The following TMC3 variants were observed in gnomAD, a reference collection of about 807,000 sequenced individuals.
TMC3 encodes the protein transmembrane channel like 3.
A neutral mutation model predicts 110.6 loss-of-function variants in TMC3; 98 were observed. The observed-to-expected ratio is 0.89, with a 90% CI of 0.75 to 1.05. The LOEUF is 1.05. Ranked by LOEUF, TMC3 falls within the 50% of genes least tolerant of loss-of-function variation. TMC3 has a pLI of 0.00. For synonymous variants in TMC3, 489 were observed against 513.1 expected (o/e 0.95, Z 0.63); for missense variants, 1,319 against 1,373.2 (o/e 0.96, Z 0.62).
Position 81,343,899 on chromosome 15 carries a change from A to T in TMC3, c.1647+18T>A, listed in dbSNP as rs1168229180. The T allele has an allele frequency of 6.2e-7, 1 of 1,609,544 alleles. No homozygotes were observed. Among genetic ancestry groups the T allele is most frequent in the South Asian group, 1.1e-5 (1 of 90,768 alleles). On this transcript the variant is annotated intron_variant, in intron 14 of 21. Coordinates refer to ENST00000359440, the MANE Select transcript of TMC3 (RefSeq NM_001080532.3). ...TTGGCCATATAAACTTTCCCAACAG[A>T]CACAGCATTTTACTTACAAACTTGC...
rs548951573 is a variant in TMC3, at chr15:81,362,138, C to A, written c.394+82G>T. On this transcript the variant is annotated intron_variant, in intron 4 of 21. Coordinates refer to ENST00000359440, the MANE Select transcript of TMC3 (RefSeq NM_001080532.3). ...GCCCTCAGCTGCACAGCATAAGGAC[C>A]AGAACACAGCAGACTCTCCTTAGGC... The A allele has an allele frequency of 3.1e-5, 40 of 1,277,326 alleles. No individual in the cohort carries two copies. The African/African-American group carries it at 5.6e-4, about 18-fold the overall frequency. 79.1% of individuals were successfully genotyped at this position (1,277,326 alleles called of 1,614,324 possible). A position where few individuals can be genotyped will look rare whatever the true frequency, so the allele number is the denominator to read the frequency against.
intron 21 of TMC3, 82 bp from the exon 22 acceptor site, chr15:81,333,344 T>G (rs960830862): frequency 1.5e-4 from 232 of 1,516,028 alleles, no homozygotes; most frequent in Non-Finnish European, 1.9e-4. Context: ...TGTGAGCAGT[T>G]CTCTGAGCAT....
chr15:81,372,846 G>T, intron 1 of TMC3, 109 bp from the exon 2 acceptor site: 1 of 1,086,460 alleles, frequency 9.2e-7, no homozygotes, highest in Non-Finnish European at 1.3e-6. Context: ...AGGGTCATCT[G>T]TATGAAATGT....
At chr15:81,339,172 C>T (rs1436637748) in intron 17 of TMC3, among the ~76,000 whole-genome samples, 10 of 152,196 alleles carry the variant, frequency 6.6e-5, no homozygotes, top group African/African-American at 2.4e-4. Context: ...CTCTTTTTCA[C>T]TTTAAAAGGA....
rs375372811 is a variant in TMC3 at position 81,332,595 on chromosome 15, A to G, written c.3127T>C (p.Ser1043Pro). 6.2e-7 allele frequency: 1 copy of G among 1,613,812 alleles called. No homozygotes were observed. The highest frequency in any genetic ancestry group is 1.7e-5 in the Admixed American group (1 of 59,982). ...RFEPSLTESD[S>P]VSAASSSDQQ... ...TCACTGCTGGATGCTGCCGACACGGAGTCAGATTCCGTGAGGGATGGCTCG... is the reference window on the plus strand; with the variant it reads ...TCACTGCTGGATGCTGCCGACACGGGGTCAGATTCCGTGAGGGATGGCTCG... The change falls in exon 22 of 22, where the codon TCC becomes CCC. Residue 1043 changes from serine to proline, a missense_variant. By Grantham distance (74) the Ser-to-Pro change is moderately conservative. Transcript: ENST00000359440.
intron 3 of TMC3, among the ~76,000 whole-genome samples, chr15:81,363,842 C>G (rs952082053): frequency 6.6e-6 from 1 of 152,080 alleles, no homozygotes; most frequent in Non-Finnish European, 1.5e-5. Flanking sequence ...CCCAGTATCC[C>G]GAGGAAGGGG....
intron 5 of TMC3, among the ~76,000 whole-genome samples, chr15:81,358,872 T>C (rs1012962702): frequency 6.6e-6 from 1 of 152,126 alleles, no homozygotes; most frequent in Non-Finnish European, 1.5e-5. Context: ...CATCATGCTA[T>C]GGTGAGGTCT....
chr15:81,372,828 A>C, intron 1 of TMC3, 91 bp from the exon 2 acceptor site: 88 of 1,341,940 alleles, frequency 6.6e-5, no homozygotes, highest in Non-Finnish European at 8.2e-5. Context: ...TCAGCATCTC[A>C]CTGCCCTAGG....
Position 81,341,413 on chromosome 15 carries a change from G to A in TMC3, c.1821C>T (p.His607=), listed in dbSNP as rs1037884248. ...SWAVLTCNVP[H]QQVFRASRSN... ...ACCTTGAGGCTCGAAATACTTGCTG[G>A]TGGGGCACATTGCAGGTCAGCACAG... Residue 607 remains histidine (H), a synonymous_variant, in exon 16 of 22, where the codon CAC becomes CAT. Transcript: ENST00000359440. 5 of 1,611,624 alleles carry A rather than the reference G, an allele frequency of 3.1e-6. No individual in the cohort carries two copies. Among genetic ancestry groups the A allele is most frequent in the Middle Eastern group, 3.3e-4 (2 of 6,080 alleles).
At position 81,337,852 on chromosome 15, in the gene TMC3, G is replaced by A. The variant is rs1167779200; in HGVS notation, c.2154C>T (p.Ile718=). Residue 718 remains isoleucine, a synonymous_variant, in exon 19 of 22, where the codon ATC becomes ATT. Transcript: ENST00000359440. ...AAGTTCATGAAATACTTGCGTTTTG[G>A]ATCTGCATTTTGAGCTGGTGGTTGC... ...KLSNHQLKMQ[I]QNARSEDKKK... is the part of the protein sequence containing the mutation. 6.2e-7 allele frequency: 1 copy of A among 1,613,500 alleles called. No homozygotes were observed. The highest frequency in any genetic ancestry group is 8.5e-7 in the Non-Finnish European group (1 of 1,179,432).
At position 81,332,965 on chromosome 15, in the gene TMC3, C is replaced by G. The variant is rs773151774; in HGVS notation, c.2757G>C (p.Glu919Asp). The G allele has an allele frequency of 1.9e-6, 3 of 1,612,586 alleles. No homozygotes were observed. In the Admixed American group the frequency reaches 5.0e-5, roughly 27 times the overall value. ...ATTGTCGCACGTTCCTGGGGTACAG[C>G]TCCACAATGTCACCTGAAGCATCTA... ...FKIDASGDIV[E>D]LYPRNVRQYA... The change falls in exon 22 of 22, where the codon GAG becomes GAC. Residue 919 changes from glutamate (E) to aspartate (D), a missense_variant. Physicochemically the swap from Glu to Asp is conservative, Grantham distance 45 (BLOSUM62 2). Coordinates refer to ENST00000359440, the MANE Select transcript of TMC3 (RefSeq NM_001080532.3).
chr15:81,372,677 G>T lies in TMC3; in HGVS notation c.150C>A (p.Ile50=). The T allele has an allele frequency of 1.2e-6, 2 of 1,613,998 alleles. No individual in the cohort carries two copies. Among genetic ancestry groups the T allele is most frequent in the Non-Finnish European group, 1.7e-6 (2 of 1,179,886 alleles). ...ETGDSNDPEQ[I]FQNIQFQKDL... Reference sequence around the variant, plus strand: ...CTTTCTGGAACTGTATATTCTGGAAGATTTGTTCCGGATCATTGCTGTCCC... The same window carrying T: ...CTTTCTGGAACTGTATATTCTGGAATATTTGTTCCGGATCATTGCTGTCCC... Residue 50 remains isoleucine (I), a synonymous_variant, in exon 2 of 22, where the codon ATC becomes ATA. Coordinates refer to ENST00000359440, the MANE Select transcript of TMC3 (RefSeq NM_001080532.3).
rs1596079370 is a variant in TMC3 at position 81,337,941 on chromosome 15, C to T, written c.2082-17G>A. 7 of 1,604,488 alleles carry T rather than the reference C, an allele frequency of 4.4e-6. No individual in the cohort carries two copies. The East Asian group carries it at 1.6e-4, about 36-fold the overall frequency. On this transcript the variant is annotated splice_polypyrimidine_tract_variant and intron_variant, in intron 18 of 21. Transcript: ENST00000359440. ...ATGAGCATGCTAGGACAGAACAACACAGGACAATGAGTGGACTGCAACTCG... is the reference window on the plus strand; with the variant it reads ...ATGAGCATGCTAGGACAGAACAACATAGGACAATGAGTGGACTGCAACTCG...
Position 81,333,220 on chromosome 15 carries a change from C to G in TMC3, c.2502G>C (p.Arg834Ser). Residue 834 changes from arginine (R) to serine (S), a missense_variant, in exon 22 of 22, where the codon AGG (arginine) becomes AGC (serine). Transcript: ENST00000359440. The stretch of plus-strand genomic sequence containing the variant: ...ATGTCATAGGTGTGCGCGATCTGTT[C>G]CTGTGAAGGTCACTGGTGCTTGCAC... ...GLCASTSDLH[R>S]NRSRTPMTFT... 6.2e-7 allele frequency: 1 copy of G among 1,613,500 alleles called. No homozygotes were observed. Among genetic ancestry groups the G allele is most frequent in the Non-Finnish European group, 8.5e-7 (1 of 1,179,578 alleles).
At chr15:81,351,497 G>A (rs1333967201) in intron 10 of TMC3, among the ~76,000 whole-genome samples, 197 bp downstream of exon 10, 2 of 151,862 alleles carry the variant, frequency 1.3e-5, no homozygotes, top group African/African-American at 4.8e-5. Context: ...AACTACAGGT[G>A]TGCACCACGA....
At chr15:81,347,114 A>C (rs1464675829) in intron 11 of TMC3, among the ~76,000 whole-genome samples, 1 of 152,202 alleles carries the variant, frequency 6.6e-6, no homozygotes, top group Non-Finnish European at 1.5e-5. Context: ...TTTTGGAAAC[A>C]CATCATGGAA....
intron 12 of TMC3, among the ~76,000 whole-genome samples, chr15:81,345,652 T>A (rs1206563799): frequency 6.6e-6 from 1 of 152,076 alleles, no homozygotes; most frequent in African/African-American, 2.4e-5. Flanking sequence ...GGGGAATCGC[T>A]TGAGCCCAAG....
chr15:81,372,999 A>G (rs1441129752), intron 1 of TMC3, among the ~76,000 whole-genome samples: 1 of 152,106 alleles, frequency 6.6e-6, no homozygotes, highest in Non-Finnish European at 1.5e-5. Context: ...TTAGAAGATA[A>G]TGATTTCTCA....
chr15:81,344,022 A>G lies in TMC3; in HGVS notation c.1542T>C (p.Ile514=), dbSNP rs773842989. The change falls in exon 14 of 22, where the codon ATT becomes ATC. Residue 514 remains isoleucine (I), a synonymous_variant. Transcript: ENST00000359440. Reference sequence around the variant, plus strand: ...TGCTCGCCACGGTGAAGAGCATGTCAATGATGGAGAGCTTCAGCATCTCCT... The same window carrying G: ...TGCTCGCCACGGTGAAGAGCATGTCGATGATGGAGAGCTTCAGCATCTCCT... The part of the protein sequence containing the change: ...VGQEMLKLSI[I]DMLFTVASIL... 5 of 1,611,454 alleles carry G rather than the reference A, an allele frequency of 3.1e-6. No individual in the cohort carries two copies. The highest frequency in any genetic ancestry group is 4.2e-6 in the Non-Finnish European group (5 of 1,179,024).
Sources: gnomAD v4.1 joint callset for allele counts (sites outside exome capture counted in the v4.1 genomes callset) on GRCh38, gnomAD v4.1.1 for gene constraint, MANE v1.5 for transcripts, NCBI Gene and HGNC (gene_info 2026-07-23, HGNC 2026-07-21) for gene names.